Variants in SPAG16 observed in about 807,000 individuals in gnomAD.
SPAG16 encodes sperm-associated antigen 16 protein.
Under a neutral mutation model 80.4 loss-of-function variants are expected in SPAG16, and 86 were observed. That is an observed-to-expected ratio of 1.07 (90% CI 0.90 to 1.28). SPAG16 has a LOEUF of 1.28. Ranked by LOEUF, SPAG16 falls within the 50% of genes most tolerant of loss-of-function variation. The pLI is 0.00. For missense variants in SPAG16, 870 were observed against 765.3 expected (o/e 1.14, Z -1.61); for synonymous variants, 294 against 265.9 (o/e 1.11, Z -1.03).
intron 11 of SPAG16, among the ~76,000 whole-genome samples, chr2:213,868,579 A>G (rs1559537230): frequency 6.6e-6 from 1 of 152,226 alleles, no homozygotes; most frequent in South Asian, 2.1e-4. Flanking sequence ...ATAATTTTGA[A>G]TGTAAATACA....
chr2:214,327,122 A>G (rs1431219157), intron 15 of SPAG16, among the ~76,000 whole-genome samples: 1 of 152,198 alleles, frequency 6.6e-6, no homozygotes, highest in Admixed American at 6.5e-5. Flanking sequence ...GCATTTTTAT[A>G]AATACCTTTC....
chr2:213,928,911 ACACACACACAC>A, intron 11 of SPAG16, among the ~76,000 whole-genome samples: 1 of 11,476 alleles, frequency 8.7e-5, no homozygotes, highest in Non-Finnish European at 2.9e-3. Context: ...TGTTACACAC[ACACACACACAC>A]ACACACACAC....
intron 12 of SPAG16, among the ~76,000 whole-genome samples, chr2:213,994,773 T>G (rs1411080125): frequency 6.6e-6 from 1 of 152,114 alleles, no homozygotes; most frequent in Admixed American, 6.6e-5. Context: ...CTTAAATGTA[T>G]CAATGGAGCA....
chr2:214,229,666 A>G (rs1688554342), intron 15 of SPAG16, among the ~76,000 whole-genome samples: 1 of 151,840 alleles, frequency 6.6e-6, no homozygotes, highest in Non-Finnish European at 1.5e-5. Context: ...AAGATTAAAA[A>G]CAAAAACAAT....
chr2:214,139,003 A>G (rs1172816257), intron 14 of SPAG16, among the ~76,000 whole-genome samples: 2 of 152,172 alleles, frequency 1.3e-5, no homozygotes, highest in Non-Finnish European at 2.9e-5. Flanking sequence ...TCTACTCCAA[A>G]TAAAACACTG....
At chr2:213,634,731 T>C (rs1373714688) in intron 10 of SPAG16, among the ~76,000 whole-genome samples, 1 of 152,194 alleles carries the variant, frequency 6.6e-6, no homozygotes, top group Non-Finnish European at 1.5e-5. Context: ...ACCCAAGATG[T>C]AGACTTTTAT....
At chr2:213,424,334 C>T (rs2069775592) in intron 9 of SPAG16, among the ~76,000 whole-genome samples, 1 of 152,074 alleles carries the variant, frequency 6.6e-6, no homozygotes, top group African/African-American at 2.4e-5. Context: ...AATTTATGTG[C>T]AAGAATATGT....
At chr2:214,195,191 G>C (rs2057789878) in intron 15 of SPAG16, among the ~76,000 whole-genome samples, 1 of 151,778 alleles carries the variant, frequency 6.6e-6, no homozygotes, top group Non-Finnish European at 1.5e-5. Flanking sequence ...GTGTATAAAA[G>C]CCCTAAGGGT....
intron 10 of SPAG16, among the ~76,000 whole-genome samples, chr2:213,710,536 A>G (rs1331328247): frequency 6.6e-6 from 1 of 152,186 alleles, no homozygotes; most frequent in East Asian, 1.9e-4. Context: ...ATCACATTGT[A>G]TGGCTGTGTT....
At chr2:213,559,366 C>T (rs536500555) in intron 10 of SPAG16, among the ~76,000 whole-genome samples, 6 of 152,142 alleles carry the variant, frequency 3.9e-5, no homozygotes, top group South Asian at 2.1e-4. Context: ...ATTATTGTCA[C>T]GAGCATCAAT....
At chr2:213,345,278 T>C (rs2064914577) in intron 6 of SPAG16, among the ~76,000 whole-genome samples, 1 of 139,954 alleles carries the variant, frequency 7.1e-6, no homozygotes, top group Admixed American at 7.3e-5. Flanking sequence ...TTCTGGATAT[T>C]AGCCCTTTGT....
intron 10 of SPAG16, among the ~76,000 whole-genome samples, chr2:213,540,727 A>G (rs899800385): frequency 1.3e-5 from 2 of 152,266 alleles, no homozygotes; most frequent in African/African-American, 4.8e-5. Flanking sequence ...GTTCAGTGAA[A>G]TAGCATATAA....
chr2:213,302,831 A>T (rs1299225286), intron 3 of SPAG16, among the ~76,000 whole-genome samples: 1 of 152,110 alleles, frequency 6.6e-6, no homozygotes, highest in Non-Finnish European at 1.5e-5. Flanking sequence ...GAATGCAAAC[A>T]TTTATTTGAA....
chr2:213,929,471 T>C (rs1369354507), intron 11 of SPAG16, among the ~76,000 whole-genome samples: 1 of 152,164 alleles, frequency 6.6e-6, no homozygotes. Context: ...AACTCAAAGG[T>C]ATCTCATTCC....
chr2:213,695,336 T>G (rs1365163745), intron 10 of SPAG16, among the ~76,000 whole-genome samples: 1 of 152,200 alleles, frequency 6.6e-6, no homozygotes, highest in African/African-American at 2.4e-5. Flanking sequence ...TAAAAAGTGC[T>G]ATGTTCAGGA....
chr2:213,685,202 C>T (rs1038109764), intron 10 of SPAG16, among the ~76,000 whole-genome samples: 3 of 152,172 alleles, frequency 2.0e-5, no homozygotes, highest in Admixed American at 2.0e-4. Context: ...ACCCCAAGTA[C>T]CTCAGAATGT....
chr2:213,326,218 A>G (rs1282399620), intron 5 of SPAG16, among the ~76,000 whole-genome samples: 4 of 152,072 alleles, frequency 2.6e-5, no homozygotes. Context: ...ACAATCTGCC[A>G]GAGAGTATAG....
chr2:213,409,807 CAGTA>C (rs1350119840), intron 9 of SPAG16, among the ~76,000 whole-genome samples: 3 of 152,268 alleles, frequency 2.0e-5, no homozygotes, highest in Non-Finnish European at 4.4e-5. Flanking sequence ...GGAAATTTCT[CAGTA>C]AGAAGGCACC....
chr2:213,744,811 C>A (rs1018019014), intron 10 of SPAG16, among the ~76,000 whole-genome samples: 1 of 152,184 alleles, frequency 6.6e-6, no homozygotes. Flanking sequence ...AAATACCATA[C>A]ATATAAGGTG....
Sources: allele counts gnomAD v4.1 joint callset (sites outside exome capture counted in the v4.1 genomes callset), GRCh38; gene constraint gnomAD v4.1.1; transcripts MANE v1.5; gene names NCBI Gene and HGNC (gene_info 2026-07-23, HGNC 2026-07-21).